SLC25A30: variants seen among roughly 807,000 people sequenced by gnomAD.
SLC25A30 encodes the protein solute carrier family 25 member 30.
In SLC25A30, 29 loss-of-function variants were observed where a neutral mutation model predicts 42.7. The ratio of observed to expected loss-of-function variants is 0.68; its 90% confidence interval spans 0.51 to 0.93. The LOEUF is 0.93. SLC25A30 is among the 40% of genes least tolerant of loss of function. SLC25A30 has a pLI of 0.00. For synonymous variants in SLC25A30, 124 were observed against 131.0 expected (o/e 0.95, Z 0.37); for missense variants, 300 against 359.7 (o/e 0.83, Z 1.34).
chr13:45,397,382 A>G (rs1881453040), intron 8 of SLC25A30, 44 bp from the exon 9 acceptor site: 6 of 1,384,862 alleles, frequency 4.3e-6, no homozygotes, highest in Non-Finnish European at 5.1e-6. Context: ...CTTTCTAATT[A>G]TGCCAAATGC....
At chr13:45,423,639 T>A in the SLC25A30 span, among the ~76,000 whole-genome samples, 12 of 93,568 alleles carry the variant, frequency 1.3e-4, 1 homozygote, top group South Asian at 2.5e-3. Context: ...TAAATATATA[T>A]AAAATACATA....
At chr13:45,425,608 ACATATATAAAT>A in the SLC25A30 span, among the ~76,000 whole-genome samples, 22 of 64,108 alleles carry the variant, frequency 3.4e-4, 2 homozygotes, top group African/African-American at 1.5e-3. Context: ...ATATATATAT[ACATATATAAAT>A]ATATATATAA....
rs182498315 is a variant in SLC25A30, at chr13:45,410,424, T to C, written c.64+938A>G. Among the ~76,000 whole-genome samples the C allele has an allele frequency of 1.2e-3, 177 of 152,308 alleles. 1 individual carries two copies. Among genetic ancestry groups the C allele is most frequent in the Middle Eastern group, 6.8e-3 (2 of 294 alleles). ...GAGCATGGTAATAATCCCAGTACTT[T>C]GGGAGGCCAAGGGAGGTGGATCTCT... On this transcript the variant is annotated intron_variant, in intron 2 of 9. Transcript: ENST00000519676.
At position 45,394,416 on chromosome 13, in the gene SLC25A30, A is replaced by G; in HGVS notation, c.*1558T>C. 2 of 985,430 alleles carry G rather than the reference A, an allele frequency of 2.0e-6. No homozygotes were observed. The highest frequency in any genetic ancestry group is 2.4e-6 in the Non-Finnish European group (2 of 829,938). The allele number at this position is 985,430 out of a possible 1,614,324, so 61.0% of individuals were successfully genotyped here. On this transcript the variant is annotated 3_prime_UTR_variant, in exon 10 of 10. Coordinates refer to ENST00000519676, the MANE Select transcript of SLC25A30 (RefSeq NM_001010875.4). ...AAAAAAACCTGCAGTCCTTCTATTCAGTCTCAACAAAGAGACTGGCCAGAC... is the reference window on the plus strand; with the variant it reads ...AAAAAAACCTGCAGTCCTTCTATTCGGTCTCAACAAAGAGACTGGCCAGAC...
intron 3 of SLC25A30, among the ~76,000 whole-genome samples, chr13:45,408,400 A>G (rs1482802995): frequency 6.6e-6 from 1 of 152,192 alleles, no homozygotes; most frequent in Non-Finnish European, 1.5e-5. Context: ...GCTGTGGGTC[A>G]CCAGTTTGTG....
chr13:45,426,344 C>T, the SLC25A30 span, among the ~76,000 whole-genome samples: 1 of 152,098 alleles, frequency 6.6e-6, no homozygotes, highest in Non-Finnish European at 1.5e-5. Flanking sequence ...CCTGGCCTTC[C>T]AAAGTGCTGG....
At chr13:45,425,984 C>T in the SLC25A30 span, among the ~76,000 whole-genome samples, 9 of 147,350 alleles carry the variant, frequency 6.1e-5, no homozygotes, top group South Asian at 1.3e-3. Flanking sequence ...TGAGCCACTT[C>T]GCCTGGTCAG....
chr13:45,433,506 GTTGTA>G, the SLC25A30 span, among the ~76,000 whole-genome samples: 11 of 152,322 alleles, frequency 7.2e-5, no homozygotes, highest in Middle Eastern at 3.4e-3. Context: ...AAAATTGAAA[GTTGTA>G]TTACCCTGTG....
chr13:45,407,652 T>G (rs140267381), intron 3 of SLC25A30, among the ~76,000 whole-genome samples: 4 of 152,210 alleles, frequency 2.6e-5, no homozygotes, highest in African/African-American at 9.7e-5. Flanking sequence ...TCTTCCAAGA[T>G]TCTCCATTTA....
At chr13:45,432,694 A>G in the SLC25A30 span, among the ~76,000 whole-genome samples, 1 of 151,712 alleles carries the variant, frequency 6.6e-6, no homozygotes, top group Non-Finnish European at 1.5e-5. Flanking sequence ...ATGGCCAGGT[A>G]TATCTATAGG....
the SLC25A30 span, among the ~76,000 whole-genome samples, chr13:45,423,818 A>ATG: frequency 2.5e-5 from 2 of 81,508 alleles, no homozygotes; most frequent in African/African-American, 1.1e-4. Context: ...ATATAAAAAT[A>ATG]TAAATATATA....
At chr13:45,409,787 T>C (rs1356172323) in intron 2 of SLC25A30, among the ~76,000 whole-genome samples, 1 of 152,246 alleles carries the variant, frequency 6.6e-6, no homozygotes, top group Admixed American at 6.5e-5. Context: ...CCAGACAGGG[T>C]GACAGAGTGA....
At chr13:45,409,997 A>G (rs558859352) in intron 2 of SLC25A30, among the ~76,000 whole-genome samples, 17 of 152,260 alleles carry the variant, frequency 1.1e-4, no homozygotes, top group Non-Finnish European at 2.5e-4. Context: ...CATCCAGCTT[A>G]CCCACCTTGG....
the SLC25A30 span, among the ~76,000 whole-genome samples, chr13:45,429,556 A>G: frequency 2.0e-5 from 3 of 152,036 alleles, no homozygotes; most frequent in Admixed American, 6.6e-5. Context: ...ACAGCTGGGC[A>G]CAGTGGCTCA....
rs549156361 is a variant in SLC25A30, at chr13:45,414,291, C to T, written c.-55-2811G>A. 8.8e-4 allele frequency among the ~76,000 whole-genome samples: 134 copies of T among 152,176 alleles called. 4 individuals carry two copies. In the South Asian group the frequency reaches 0.027, roughly 31 times the overall value. ...AAGAATAATTTGGCTTAAATATGAA[C>T]TAGAGAGCCGCAGTACATGGGCAAA... is the stretch of plus-strand genomic sequence containing the variant. On this transcript the variant is annotated intron_variant, in intron 1 of 9. Coordinates refer to ENST00000519676, the MANE Select transcript of SLC25A30 (RefSeq NM_001010875.4).
chr13:45,411,025 G>C (rs534632980), intron 2 of SLC25A30, among the ~76,000 whole-genome samples: 18 of 151,916 alleles, frequency 1.2e-4, no homozygotes, highest in African/African-American at 4.1e-4. Flanking sequence ...CTGCAGCCTC[G>C]ACCTCCTGGA....
intron 1 of SLC25A30, among the ~76,000 whole-genome samples, chr13:45,416,802 T>A (rs1883576366): frequency 6.6e-6 from 1 of 152,112 alleles, no homozygotes; most frequent in Non-Finnish European, 1.5e-5. Context: ...AAAAACAAGT[T>A]TTCTGAATGA....
At chr13:45,416,231 A>G (rs191682758) in intron 1 of SLC25A30, among the ~76,000 whole-genome samples, 66 of 151,330 alleles carry the variant, frequency 4.4e-4, no homozygotes, top group Non-Finnish European at 8.3e-4. Flanking sequence ...AACACGGTGA[A>G]ATCCTGTCTC....
chr13:45,418,780 G>T (rs1883758788), upstream of SLC25A30: 1 of 151,626 alleles, frequency 6.6e-6, no homozygotes, highest in African/African-American at 2.4e-5. Context: ...CTTTTAGCTT[G>T]AAAATATACA....
Sources: gnomAD v4.1 joint callset for allele counts (sites outside exome capture counted in the v4.1 genomes callset) on GRCh38, gnomAD v4.1.1 for gene constraint, MANE v1.5 for transcripts, NCBI Gene and HGNC (gene_info 2026-07-23, HGNC 2026-07-21) for gene names.